The following ASCC3 variants were observed in gnomAD, a reference collection of about 807,000 sequenced individuals.
The protein encoded by ASCC3 is ASC-1 complex subunit P200.
A neutral mutation model predicts 256.3 loss-of-function variants in ASCC3; 158 were observed. That is an observed-to-expected ratio of 0.62 (90% CI 0.54 to 0.70). The LOEUF (loss-of-function observed/expected upper bound fraction) is 0.70, where lower values mean the gene tolerates loss of function less well. Among genes scored for constraint, ASCC3 ranks in the 30% least tolerant of loss-of-function variants. The probability of loss-of-function intolerance (pLI) is 0.00; values close to 1 mark genes in which losing one functional copy is unlikely to be tolerated. For synonymous variants in ASCC3, 948 were observed against 883.4 expected (o/e 1.07, Z -1.30); for missense variants, 2,259 against 2,626.0 (o/e 0.86, Z 3.05).
intron 32 of ASCC3, 34 bp from the exon 33 acceptor site, chr6:100,605,734 T>C: frequency 6.2e-7 from 1 of 1,608,660 alleles, no homozygotes; most frequent in East Asian, 2.2e-5. Flanking sequence ...TATTCTACAA[T>C]GTGGCATATA....
chr6:100,816,386 G>C (rs940471099), intron 4 of ASCC3, among the ~76,000 whole-genome samples: 1 of 151,896 alleles, frequency 6.6e-6, no homozygotes, highest in Non-Finnish European at 1.5e-5. Flanking sequence ...ACTACCACTC[G>C]ACCCAGCAAT....
intron 8 of ASCC3, 104 bp downstream of exon 8, chr6:100,798,608 GT>G: frequency 6.4e-7 from 1 of 1,553,544 alleles, no homozygotes. Context: ...TGTCTGTACT[GT>G]ATTTGCCAAC....
At chr6:100,749,853 TA>T (rs1780856151) in intron 10 of ASCC3, among the ~76,000 whole-genome samples, 1 of 151,570 alleles carries the variant, frequency 6.6e-6, no homozygotes, top group Admixed American at 6.6e-5. Flanking sequence ...TATATAGAAA[TA>T]AATTTTATAT....
intron 10 of ASCC3, among the ~76,000 whole-genome samples, chr6:100,727,186 G>C (rs1237334644): frequency 2.6e-5 from 4 of 151,896 alleles, no homozygotes; most frequent in Non-Finnish European, 5.9e-5. Flanking sequence ...TCCTCCTTGA[G>C]GAGGGGAAGA....
At chr6:100,688,284 A>AT (rs1033514047) in intron 13 of ASCC3, among the ~76,000 whole-genome samples, 12 of 151,878 alleles carry the variant, frequency 7.9e-5, no homozygotes, top group African/African-American at 2.9e-4. Context: ...AAAAAACAAC[A>AT]ACAGGAACTC....
At chr6:100,655,874 C>T (rs1775891277) in intron 16 of ASCC3, 56 bp from the exon 17 acceptor site, 2 of 1,578,380 alleles carry the variant, frequency 1.3e-6, no homozygotes, top group Non-Finnish European at 1.7e-6. Flanking sequence ...ATAAACATTA[C>T]ATCAAAGTCC....
intron 10 of ASCC3, among the ~76,000 whole-genome samples, chr6:100,745,272 A>G (rs1780608088): frequency 1.3e-5 from 2 of 152,084 alleles, no homozygotes; most frequent in African/African-American, 4.8e-5. Context: ...GGTTGCAGTG[A>G]GCCGAGATTG....
At chr6:100,767,494 A>G in intron 8 of ASCC3, 149 bp from the exon 9 acceptor site, 1 of 809,060 alleles carries the variant, frequency 1.2e-6, no homozygotes, top group Non-Finnish European at 2.0e-6. Context: ...ACGGAGGTAT[A>G]TGCAGTTGAG....
chr6:100,662,233 C>A, intron 15 of ASCC3, 112 bp downstream of exon 15: 2 of 1,218,836 alleles, frequency 1.6e-6, no homozygotes, highest in South Asian at 1.5e-5. Context: ...TTATAAATAA[C>A]ATTCAAAGTC....
At chr6:100,511,349 C>A (rs138205771) in intron 40 of ASCC3, among the ~76,000 whole-genome samples, 1 of 152,114 alleles carries the variant, frequency 6.6e-6, no homozygotes, top group African/African-American at 2.4e-5. Flanking sequence ...ACCCGGGAGG[C>A]GGAGGTTGCA....
chr6:100,698,612 T>C (rs957657063), intron 13 of ASCC3, among the ~76,000 whole-genome samples: 2 of 152,160 alleles, frequency 1.3e-5, no homozygotes, highest in Admixed American at 1.3e-4. Context: ...AGAAATTAGA[T>C]AATTTAATAC....
chr6:100,800,159 T>C (rs1769838648), intron 6 of ASCC3, 141 bp downstream of exon 6: 10 of 821,602 alleles, frequency 1.2e-5, no homozygotes, highest in Non-Finnish European at 1.9e-5. Flanking sequence ...AAATTAGGTA[T>C]TCATAAAACA....
rs960929405 is a variant in ASCC3 at position 100,854,859 on chromosome 6, T to A, written c.242-6152A>T. Among the ~76,000 whole-genome samples, 46 of 152,172 alleles carry A rather than the reference T, an allele frequency of 3.0e-4. 1 individual carries two copies. The highest frequency in any genetic ancestry group is 3.9e-4 in the Admixed American group (6 of 15,276). ...ATCATATAGCTCACTGAGATTTAAC[T>A]TCCATTTTAGATTGTTTTAACATCC... is the stretch of plus-strand genomic sequence containing the variant. On this transcript the variant is annotated intron_variant, in intron 3 of 41. Coordinates refer to ENST00000369162, the MANE Select transcript of ASCC3 (RefSeq NM_006828.4).
chr6:100,588,317 T>C (rs1023737138), intron 36 of ASCC3, among the ~76,000 whole-genome samples: 1 of 152,152 alleles, frequency 6.6e-6, no homozygotes, highest in Non-Finnish European at 1.5e-5. Flanking sequence ...TGAGATTAGA[T>C]AAATACGAAA....
chr6:100,628,028 C>A, intron 27 of ASCC3, 41 bp from the exon 28 acceptor site: 2 of 1,601,596 alleles, frequency 1.2e-6, no homozygotes, highest in Non-Finnish European at 1.7e-6. Context: ...ATTTAACAAG[C>A]CTGTGTTGGT....
At chr6:100,715,797 C>CT (rs1324176669) in intron 12 of ASCC3, among the ~76,000 whole-genome samples, 5 of 151,652 alleles carry the variant, frequency 3.3e-5, no homozygotes, top group African/African-American at 9.7e-5. Flanking sequence ...AATACAGTAT[C>CT]TTTAAGGATA....
intron 10 of ASCC3, among the ~76,000 whole-genome samples, chr6:100,729,742 G>C (rs1779812808): frequency 6.6e-6 from 1 of 152,086 alleles, no homozygotes; most frequent in South Asian, 2.1e-4. Flanking sequence ...TAGATTTAAA[G>C]TTTTGAATCA....
chr6:100,629,213 C>A, intron 26 of ASCC3, 32 bp from the exon 27 acceptor site: 2 of 1,602,542 alleles, frequency 1.2e-6, no homozygotes, highest in Non-Finnish European at 1.7e-6. Flanking sequence ...ATCCCAGAAA[C>A]TTTTCAGGTA....
At chr6:100,695,687 T>C (rs1241588865) in intron 13 of ASCC3, among the ~76,000 whole-genome samples, 1 of 151,990 alleles carries the variant, frequency 6.6e-6, no homozygotes. Flanking sequence ...ATAAGGTCCC[T>C]GCATGGCCAA....
Sources: allele counts gnomAD v4.1 joint callset (sites outside exome capture counted in the v4.1 genomes callset), GRCh38; gene constraint gnomAD v4.1.1; transcripts MANE v1.5; gene names NCBI Gene and HGNC (gene_info 2026-07-23, HGNC 2026-07-21).